The following FLNA variants were observed in gnomAD, a reference collection of about 807,000 sequenced individuals.
FLNA encodes filamin A.
A neutral mutation model predicts 157.6 loss-of-function variants in FLNA; 7 were observed. The observed-to-expected ratio is 0.04, with a 90% CI of 0.03 to 0.08. The LOEUF (loss-of-function observed/expected upper bound fraction) is 0.08, where lower values mean the gene tolerates loss of function less well. Among genes scored for constraint, FLNA ranks in the 10% least tolerant of loss-of-function variants. The pLI is 1.00. For synonymous variants in FLNA, 1,103 were observed against 1,060.8 expected, an observed-to-expected ratio of 1.04 and a Z score of -0.77; for missense variants, 1,750 against 2,398.4, an observed-to-expected ratio of 0.73 and a Z score of 5.65.
rs1290731699 is a variant in FLNA, at chrX:154,371,075, C to T, written c.171G>A (p.Leu57=). Residue 57 remains leucine, a synonymous_variant, in exon 2 of 48, where the codon CTG becomes CTA. Coordinates refer to ENST00000369850, the MANE Select transcript of FLNA (RefSeq NM_001110556.2). ...NTFTRWCNEH[L]KCVSKRIANL... The stretch of plus-strand genomic sequence containing the variant: ...TGGCGATGCGCTTGCTCACGCACTT[C>T]AGGTGCTCGTTGCACCAGCGCGTGA... The T allele has an allele frequency of 2.5e-6, 3 of 1,203,446 alleles. No homozygotes were observed. Among genetic ancestry groups the T allele is most frequent in the African/African-American group, 3.5e-5 (2 of 57,436 alleles).
rs1557177384 is a variant in FLNA, at chrX:154,359,018, C to T, written c.4440G>A (p.Val1480=). 2.4e-5 allele frequency: 29 copies of T among 1,211,448 alleles called. No homozygotes were observed. Among genetic ancestry groups the T allele is most frequent in the Non-Finnish European group, 3.2e-5 (29 of 895,473 alleles). ...CTTGCACTTTGACCTGCAATGGGGC[C>T]ACACCAGCCTTGCTTGTGTCCACCT... The part of the protein sequence containing the change: ...SFQVDTSKAG[V]APLQVKVQGP... Residue 1480 remains valine (V), a synonymous_variant, in exon 26 of 48, where the codon GTG becomes GTA. Transcript: ENST00000369850.
At chrX:154,370,529 C>T (rs1557180105) in intron 2 of FLNA, among the ~76,000 whole-genome samples, 2 of 112,805 alleles carry the variant, frequency 1.8e-5, no homozygotes, top group African/African-American at 6.4e-5. Flanking sequence ...TCCTCGGGGA[C>T]GGGGCGCAGG....
chrX:154,364,616 G>A lies in FLNA; in HGVS notation c.1932C>T (p.Ala644=), dbSNP rs1221420896. 3.3e-5 allele frequency: 40 copies of A among 1,209,082 alleles called. No homozygotes were observed. The highest frequency in any genetic ancestry group is 4.1e-5 in the Non-Finnish European group (37 of 894,999). Residue 644 remains alanine, a synonymous_variant, in exon 13 of 48, where the codon GCC becomes GCT. Transcript: ENST00000369850. ...RYWPQEAGEY[A]VHVLCNSEDI... ...CTTCGCTGTTGCACAGCACGTGAAC[G>A]GCATACTCGCCAGCCTCCTGCGGCC...
chrX:154,357,706 G>A (rs1049490763), intron 28 of FLNA, 83 bp from the exon 29 acceptor site: 20 of 894,982 alleles, frequency 2.2e-5, no homozygotes, highest in Non-Finnish European at 3.1e-5. Context: ...AGTGCCCAGC[G>A]CTGCTGCTAC....
At chrX:154,373,898 G>A (rs2067824976) in intron 1 of FLNA, among the ~76,000 whole-genome samples, 1 of 112,961 alleles carries the variant, frequency 8.9e-6, no homozygotes, top group Admixed American at 9.3e-5. Flanking sequence ...GGACATTGTT[G>A]GTTATATCCT....
At chrX:154,366,886 GT>G (rs1385205669) in intron 5 of FLNA, 36 bp from the exon 6 acceptor site, 1 of 1,087,132 alleles carries the variant, frequency 9.2e-7, no homozygotes, top group Non-Finnish European at 1.3e-6. Flanking sequence ...CGGGCCAGCT[GT>G]TAAGGCCACA....
chrX:154,351,177 A>G (rs1031836405), intron 43 of FLNA, 136 bp from the exon 44 acceptor site: 20 of 684,662 alleles, frequency 2.9e-5, no homozygotes, highest in Middle Eastern at 9.4e-4. Flanking sequence ...AGGGAGAGCC[A>G]CTGATTTGCA....
In FLNA at chrX:154,365,374, C is replaced by G. The variant is rs782765195; in HGVS notation, c.1542G>C (p.Glu514Asp). Residue 514 changes from glutamate to aspartate, a missense_variant, in exon 10 of 48, where the codon GAG becomes GAC. This residue lies in a region of FLNA where 648 missense variants were observed against 805.8 expected (regional missense o/e 0.80). Coordinates refer to ENST00000369850, the MANE Select transcript of FLNA (RefSeq NM_001110556.2). ...TGGGGCCCTTCACGGTGACCTTCAG[C>G]TCCCCACTGCCAGCGCCCTTTGTGT... ...KVYTKGAGSGELKVTVKGPKG... is the reference protein window; with the variant it reads ...KVYTKGAGSGDLKVTVKGPKG... The G allele has an allele frequency of 1.3e-5, 16 of 1,210,760 alleles. No individual in the cohort carries two copies. The highest frequency in any genetic ancestry group is 4.3e-5 in the Admixed American group (2 of 46,002).
chrX:154,359,705 C>T (rs1557177576), intron 23 of FLNA, 27 bp downstream of exon 23: 1 of 1,210,966 alleles, frequency 8.3e-7, no homozygotes. Context: ...CCCCGTCTGC[C>T]AGCCTGTGGG....
At chrX:154,357,072 T>C (rs1355488445) in intron 30 of FLNA, among the ~76,000 whole-genome samples, 179 bp downstream of exon 30, 1 of 111,925 alleles carries the variant, frequency 8.9e-6, no homozygotes, top group East Asian at 2.8e-4. Flanking sequence ...CATGCTCAGC[T>C]CCGGAAGCCT....
intron 1 of FLNA, among the ~76,000 whole-genome samples, chrX:154,374,265 C>T (rs1481977253): frequency 1.8e-5 from 2 of 112,818 alleles, no homozygotes; most frequent in Non-Finnish European, 3.8e-5. Context: ...CTCAGGCTCC[C>T]ACATTCGTGG....
chrX:154,364,547 G>C lies in FLNA; in HGVS notation c.2001C>G (p.Pro667=), dbSNP rs782344845. The change falls in exon 13 of 48, where the codon CCC becomes CCG. Residue 667 remains proline, a synonymous_variant. Transcript: ENST00000369850. ...TTACCCTGTCTGGGTGGAAGTCCTGGGGCGCGTCACGGATGTCAGCCATGA... is the reference window on the plus strand; with the variant it reads ...TTACCCTGTCTGGGTGGAAGTCCTGCGGCGCGTCACGGATGTCAGCCATGA... ...SPFMADIRDA[P]QDFHPDRVKA... 4 of 1,208,021 alleles carry C rather than the reference G, an allele frequency of 3.3e-6. No individual in the cohort carries two copies. In the South Asian group the frequency reaches 5.3e-5, roughly 16 times the overall value.
intron 9 of FLNA, among the ~76,000 whole-genome samples, 181 bp downstream of exon 9, chrX:154,365,843 G>C (rs1276324724): frequency 8.9e-6 from 1 of 112,488 alleles, no homozygotes; most frequent in Non-Finnish European, 1.9e-5. Flanking sequence ...GGAGAGGGGC[G>C]AGGAGAGGAG....
intron 9 of FLNA, 148 bp from the exon 10 acceptor site, chrX:154,365,634 C>A: frequency 1.3e-6 from 1 of 748,518 alleles, no homozygotes; most frequent in Non-Finnish European, 1.9e-6. Context: ...GGGACTGTGA[C>A]CCCAGGAACT....
In FLNA at chrX:154,364,168, G is replaced by T. The variant is rs1315164840; in HGVS notation, c.2137-3C>A. 1 of 1,209,573 alleles carries T rather than the reference G, an allele frequency of 8.3e-7. No homozygotes were observed. The highest frequency in any genetic ancestry group is 1.8e-5 in the South Asian group (1 of 56,858). The stretch of plus-strand genomic sequence containing the variant: ...TCCACAGGGCAGCCTTCATTGTCCT[G>T]TCAGGCAGATAGGAGCAGGTGGCCT... On this transcript the variant is annotated splice_region_variant and splice_polypyrimidine_tract_variant and intron_variant, in intron 14 of 47. Transcript: ENST00000369850.
chrX:154,349,980 G>GC (rs1354695663), intron 45 of FLNA, 51 bp downstream of exon 45: 19 of 1,195,551 alleles, frequency 1.6e-5, no homozygotes, highest in Non-Finnish European at 2.0e-5. Context: ...GAGCTTGGAG[G>GC]CAAGGGCCTA....
chrX:154,369,830 G>A (rs2067791749), intron 2 of FLNA, among the ~76,000 whole-genome samples: 1 of 112,271 alleles, frequency 8.9e-6, no homozygotes, highest in Non-Finnish European at 1.9e-5. Flanking sequence ...TGGTTCTTGG[G>A]ATCTGCCCTC....
chrX:154,374,426 C>A lies in FLNA; in HGVS notation c.-117+80G>T, dbSNP rs190727818. On this transcript the variant is annotated intron_variant, in intron 1 of 47. Transcript: ENST00000369850. ...GCGCCTGCGTTTTCCGGCCTCTCTGCCCGCCTTCTCCAACCCCGCCCCCGG... is the reference window on the plus strand; with the variant it reads ...GCGCCTGCGTTTTCCGGCCTCTCTGACCGCCTTCTCCAACCCCGCCCCCGG... 4,533 of 112,683 alleles carry A rather than the reference C, an allele frequency of 0.04. 230 individuals carry two copies. Among genetic ancestry groups the A allele is most frequent in the African/African-American group, 0.14 (4,300 of 31,001 alleles). 9.3% of individuals were successfully genotyped at this position (112,683 alleles called of 1,213,427 possible). A position where few individuals can be genotyped will look rare whatever the true frequency, so the allele number is the denominator to read the frequency against.
chrX:154,358,734 T>A, intron 26 of FLNA, 166 bp from the exon 27 acceptor site: 2 of 678,882 alleles, frequency 2.9e-6, no homozygotes, highest in Non-Finnish European at 4.6e-6. Flanking sequence ...AAGACACCCA[T>A]CTGGGTGCCA....
Sources: gnomAD v4.1 joint callset for allele counts (sites outside exome capture counted in the v4.1 genomes callset) on GRCh38, gnomAD v4.1.1 for gene constraint, gnomAD v4.1.1 regional missense constraint, MANE v1.5 for transcripts, NCBI Gene and HGNC (gene_info 2026-07-23, HGNC 2026-07-21) for gene names.